The following LVRN variants were observed in gnomAD, a reference collection of about 807,000 sequenced individuals.
LVRN encodes the protein aminopeptidase Q.
In LVRN, 99 loss-of-function variants were observed where a neutral mutation model predicts 111.4. The ratio of observed to expected loss-of-function variants is 0.89; its 90% CI spans 0.76 to 1.05. LVRN has a LOEUF of 1.05. Among genes scored for constraint, LVRN ranks in the 50% least tolerant of loss-of-function variants. The pLI, the probability that LVRN is intolerant of heterozygous loss-of-function variation, is 0.00. For synonymous variants in LVRN, 488 were observed against 449.5 expected (o/e 1.09, Z -1.08); for missense variants, 1,414 against 1,206.8 (o/e 1.17, Z -2.54).
chr5:116,017,783 G>A (rs571774604), intron 18 of LVRN, among the ~76,000 whole-genome samples: 31 of 152,176 alleles, frequency 2.0e-4, no homozygotes, highest in African/African-American at 7.2e-4. Flanking sequence ...AATGTTTAAT[G>A]TTCATTATTA....
intron 1 of LVRN, 150 bp downstream of exon 1, chr5:115,963,462 A>C (rs1753136519): frequency 3.5e-6 from 2 of 574,208 alleles, no homozygotes; most frequent in South Asian, 6.2e-5. Flanking sequence ...CTTTTTATTT[A>C]TTTATTTTAT....
chr5:115,972,237 A>G (rs895424540), intron 1 of LVRN, among the ~76,000 whole-genome samples: 4 of 152,112 alleles, frequency 2.6e-5, no homozygotes, highest in African/African-American at 7.2e-5. Flanking sequence ...GAATACAAAG[A>G]CAAGCCACAA....
intron 1 of LVRN, among the ~76,000 whole-genome samples, chr5:115,972,797 G>A (rs971159981): frequency 2.0e-5 from 3 of 151,944 alleles, no homozygotes; most frequent in African/African-American, 7.3e-5. Flanking sequence ...TTTTCCAAGA[G>A]CTATGATCAG....
intron 19 of LVRN, among the ~76,000 whole-genome samples, chr5:116,024,084 C>A (rs1315266413): frequency 6.6e-6 from 1 of 152,040 alleles, no homozygotes; most frequent in African/African-American, 2.4e-5. Flanking sequence ...TCAGTGGTTT[C>A]CTGGGACAGA....
intron 4 of LVRN, 128 bp downstream of exon 4, chr5:115,988,067 C>G: frequency 7.9e-7 from 1 of 1,268,898 alleles, no homozygotes; most frequent in South Asian, 1.5e-5. Context: ...TTGGAGTTAG[C>G]CTCCTGACCT....
chr5:115,997,994 A>C (rs964590251), intron 6 of LVRN, among the ~76,000 whole-genome samples: 1 of 152,212 alleles, frequency 6.6e-6, no homozygotes, highest in Non-Finnish European at 1.5e-5. Flanking sequence ...CAGAAGAAAG[A>C]AAGACAATCT....
chr5:115,992,071 C>T (rs55991334), intron 4 of LVRN, 52 bp from the exon 5 acceptor site: 17 of 1,499,408 alleles, frequency 1.1e-5, no homozygotes, highest in East Asian at 4.6e-5. Context: ...TTAAAAAATC[C>T]CATTTTTTGG....
intron 6 of LVRN, 130 bp from the exon 7 acceptor site, chr5:115,999,632 C>G (rs1748194379): frequency 8.3e-6 from 8 of 968,102 alleles, no homozygotes; most frequent in South Asian, 6.4e-5. Flanking sequence ...TATTTCAACT[C>G]AAAGACACTT....
At chr5:115,991,074 G>C (rs934478367) in intron 4 of LVRN, among the ~76,000 whole-genome samples, 1 of 151,926 alleles carries the variant, frequency 6.6e-6, no homozygotes, top group Non-Finnish European at 1.5e-5. Flanking sequence ...GTTTATCTTA[G>C]GGTTCAGTTT....
chr5:115,997,432 G>C (rs76811923), intron 6 of LVRN, among the ~76,000 whole-genome samples: 2 of 152,190 alleles, frequency 1.3e-5, no homozygotes, highest in South Asian at 4.1e-4. Flanking sequence ...GGGAGGCCAA[G>C]GTGGGAGAAT....
intron 6 of LVRN, among the ~76,000 whole-genome samples, chr5:115,997,148 A>C (rs190972031): frequency 2.8e-4 from 42 of 152,096 alleles, no homozygotes; most frequent in African/African-American, 9.4e-4. Flanking sequence ...TTAATTTAGT[A>C]CTCATAATAA....
chr5:115,965,390 C>T (rs1375404793), intron 1 of LVRN, among the ~76,000 whole-genome samples: 1 of 152,248 alleles, frequency 6.6e-6, no homozygotes, highest in Admixed American at 6.5e-5. Flanking sequence ...GTTCTTAACA[C>T]TACTGAACTA....
chr5:116,013,260 G>A (rs565426386), intron 15 of LVRN, among the ~76,000 whole-genome samples: 1 of 152,298 alleles, frequency 6.6e-6, no homozygotes. Flanking sequence ...AGTGCTAAGG[G>A]ATGTGATTAG....
intron 4 of LVRN, among the ~76,000 whole-genome samples, chr5:115,991,217 C>T (rs922813758): frequency 3.3e-5 from 5 of 152,158 alleles, no homozygotes; most frequent in Non-Finnish European, 5.9e-5. Flanking sequence ...CTGCTTCCCC[C>T]GAATCCCTGA....
chr5:115,978,179 A>T (rs1753486419), intron 1 of LVRN, among the ~76,000 whole-genome samples: 1 of 152,186 alleles, frequency 6.6e-6, no homozygotes, highest in Non-Finnish European at 1.5e-5. Flanking sequence ...TATCAGGAAA[A>T]GAATTTGTAA....
chr5:116,000,004 A>T, intron 7 of LVRN, 102 bp downstream of exon 7: 1 of 1,300,490 alleles, frequency 7.7e-7, no homozygotes, highest in South Asian at 1.5e-5. Context: ...AAAACATTTT[A>T]TGAAAATAAC....
At chr5:115,967,076 TC>T (rs1236175813) in intron 1 of LVRN, among the ~76,000 whole-genome samples, 2 of 152,216 alleles carry the variant, frequency 1.3e-5, no homozygotes, top group African/African-American at 4.8e-5. Context: ...AAATATGTTC[TC>T]CCAGCCTATA....
In LVRN at chr5:116,000,665, G is replaced by T. The variant is rs1346614127; in HGVS notation, c.1647+7G>T. ...ATGGAGGCATTTTCAAATGGTAATTGTCCTACTTTCTGACACATTCTTGCT... is the reference window on the plus strand; with the variant it reads ...ATGGAGGCATTTTCAAATGGTAATTTTCCTACTTTCTGACACATTCTTGCT... On this transcript the variant is annotated splice_region_variant and intron_variant, in intron 9 of 19. Coordinates refer to ENST00000357872, the MANE Select transcript of LVRN (RefSeq NM_173800.5). 1 of 1,613,068 alleles carries T rather than the reference G, an allele frequency of 6.2e-7. No individual in the cohort carries two copies. Among genetic ancestry groups the T allele is most frequent in the Middle Eastern group, 1.7e-4 (1 of 6,060 alleles).
rs1033871119 is a variant in LVRN, at chr5:115,992,193, A to G, written c.1176A>G (p.Ser392=). The G allele has an allele frequency of 6.2e-7, 1 of 1,613,978 alleles. No homozygotes were observed. The highest frequency in any genetic ancestry group is 8.5e-7 in the Non-Finnish European group (1 of 1,179,870). ...GGGGACTAATGATATTTGATGAATC[A>G]GGATTGTTGTTGGAACCAAAAGATC... ...ENWGLMIFDE[S]GLLLEPKDQL... The change falls in exon 5 of 20, where the codon TCA becomes TCG. Residue 392 remains serine, a synonymous_variant. Coordinates refer to ENST00000357872, the MANE Select transcript of LVRN (RefSeq NM_173800.5).
Sources: gnomAD v4.1 joint callset for allele counts (sites outside exome capture counted in the v4.1 genomes callset) on GRCh38, gnomAD v4.1.1 for gene constraint, MANE v1.5 for transcripts, NCBI Gene and HGNC (gene_info 2026-07-23, HGNC 2026-07-21) for gene names.